Variants in PTPRD observed in about 807,000 individuals in gnomAD.
PTPRD encodes protein tyrosine phosphatase receptor type D.
A neutral mutation model predicts 214.5 loss-of-function variants in PTPRD; 34 were observed. The observed-to-expected ratio is 0.16, with a 90% confidence interval of 0.12 to 0.21. The LOEUF (loss-of-function observed/expected upper bound fraction) is 0.21. Among genes scored for constraint, PTPRD ranks in the 10% least tolerant of loss-of-function variants. The pLI is 1.00. For missense variants in PTPRD, 2,545 were observed against 2,398.7 expected, an observed-to-expected ratio of 1.06 and a Z score of -1.27; for synonymous variants, 1,128 against 845.7, an observed-to-expected ratio of 1.33 and a Z score of -5.79.
chr9:10,521,360 G>A (rs1389824411), intron 2 of PTPRD, among the ~76,000 whole-genome samples: 1 of 152,132 alleles, frequency 6.6e-6, no homozygotes, highest in Non-Finnish European at 1.5e-5. Context: ...GACTGAATTG[G>A]TGAGGAGTTG....
At chr9:9,112,050 T>C (rs1022862696) in intron 10 of PTPRD, among the ~76,000 whole-genome samples, 12 of 152,138 alleles carry the variant, frequency 7.9e-5, no homozygotes, top group Non-Finnish European at 1.2e-4. Context: ...TGCTGTAACC[T>C]CCTCTGCTTT....
chr9:10,062,189 A>G (rs2097787705), intron 3 of PTPRD, among the ~76,000 whole-genome samples: 2 of 152,216 alleles, frequency 1.3e-5, no homozygotes, highest in African/African-American at 4.8e-5. Context: ...ACATATATCT[A>G]GGCATTAAAA....
At chr9:9,236,148 G>A (rs1379990438) in intron 9 of PTPRD, among the ~76,000 whole-genome samples, 4 of 152,116 alleles carry the variant, frequency 2.6e-5, no homozygotes, top group Non-Finnish European at 5.9e-5. Flanking sequence ...AGCTACCCAG[G>A]AGGCTGAGGC....
intron 5 of PTPRD, among the ~76,000 whole-genome samples, chr9:9,787,696 G>C (rs192558131): frequency 6.6e-6 from 1 of 151,962 alleles, no homozygotes. Flanking sequence ...TCAGAGACCT[G>C]AGAAAGATTA....
intron 3 of PTPRD, among the ~76,000 whole-genome samples, chr9:10,297,325 G>T (rs1045519848): frequency 7.3e-5 from 11 of 151,688 alleles, no homozygotes; most frequent in African/African-American, 2.7e-4. Context: ...TAAATTACAA[G>T]AAACTGTACC....
intron 3 of PTPRD, among the ~76,000 whole-genome samples, chr9:10,316,724 G>T (rs947325171): frequency 5.9e-5 from 9 of 151,870 alleles, no homozygotes; most frequent in African/African-American, 2.2e-4. Context: ...AACAGCAACT[G>T]CTATCAGATA....
At chr9:10,312,122 G>A (rs1006435261) in intron 3 of PTPRD, among the ~76,000 whole-genome samples, 2 of 151,924 alleles carry the variant, frequency 1.3e-5, no homozygotes, top group African/African-American at 4.8e-5. Flanking sequence ...AATATAGTCA[G>A]TAGTCAGACA....
intron 4 of PTPRD, among the ~76,000 whole-genome samples, chr9:9,984,482 A>C (rs1158730598): frequency 6.6e-6 from 1 of 152,164 alleles, no homozygotes; most frequent in Non-Finnish European, 1.5e-5. Context: ...TGTAGTCATG[A>C]GGCAAGTAGT....
chr9:9,823,379 G>C (rs2051481893), intron 5 of PTPRD, among the ~76,000 whole-genome samples: 1 of 151,970 alleles, frequency 6.6e-6, no homozygotes, highest in South Asian at 2.1e-4. Flanking sequence ...CAGATCTCGT[G>C]AGAACTTACT....
At chr9:10,160,881 C>T (rs778463475) in intron 3 of PTPRD, among the ~76,000 whole-genome samples, 12 of 151,900 alleles carry the variant, frequency 7.9e-5, no homozygotes, top group Admixed American at 2.0e-4. Context: ...TTGGAAGATA[C>T]GGAATCAACA....
At chr9:10,345,225 TTTACA>T (rs1452035011) in intron 2 of PTPRD, among the ~76,000 whole-genome samples, 2 of 152,176 alleles carry the variant, frequency 1.3e-5, no homozygotes, top group Non-Finnish European at 2.9e-5. Context: ...ACAACCTCAA[TTTACA>T]CATGGAAATA....
At chr9:8,919,370 G>T (rs1402528559) in intron 11 of PTPRD, among the ~76,000 whole-genome samples, 1 of 144,312 alleles carries the variant, frequency 6.9e-6, no homozygotes, top group South Asian at 2.4e-4. Context: ...CCAGCCTGTG[G>T]GACAGAGTGA....
chr9:8,683,112 C>T (rs2097583059), intron 12 of PTPRD, among the ~76,000 whole-genome samples: 1 of 152,088 alleles, frequency 6.6e-6, no homozygotes, highest in African/African-American at 2.4e-5. Context: ...AAAAAAAGAG[C>T]AGCAGGCTTG....
At chr9:9,509,990 A>T (rs62533241) in intron 8 of PTPRD, among the ~76,000 whole-genome samples, 3 of 151,508 alleles carry the variant, frequency 2.0e-5, no homozygotes, top group African/African-American at 4.8e-5. Flanking sequence ...AAGCAAGAAG[A>T]GTGAGAAATC....
intron 11 of PTPRD, among the ~76,000 whole-genome samples, chr9:8,997,143 G>C (rs2099400204): frequency 6.6e-6 from 1 of 151,994 alleles, no homozygotes; most frequent in African/African-American, 2.4e-5. Context: ...ACTGTGACTA[G>C]CAAATATTTT....
intron 8 of PTPRD, among the ~76,000 whole-genome samples, chr9:9,493,779 C>A: frequency 8.6e-6 from 1 of 116,078 alleles, no homozygotes; most frequent in Non-Finnish European, 1.7e-5. Context: ...CAGAGCAAGA[C>A]TCCGTCTCAA....
chr9:9,371,138 A>C (rs1461971580), intron 9 of PTPRD, among the ~76,000 whole-genome samples: 2 of 152,148 alleles, frequency 1.3e-5, no homozygotes, highest in African/African-American at 4.8e-5. Context: ...AAAATGAGTT[A>C]GGGAGGATTC....
chr9:9,582,855 T>G (rs866413861), intron 7 of PTPRD, among the ~76,000 whole-genome samples: 1 of 152,028 alleles, frequency 6.6e-6, no homozygotes, highest in African/African-American at 2.4e-5. Context: ...TGTCTTCCAT[T>G]GTCTAAAACC....
At chr9:9,683,272 G>T (rs939202970) in intron 7 of PTPRD, among the ~76,000 whole-genome samples, 6 of 151,708 alleles carry the variant, frequency 4.0e-5, no homozygotes, top group African/African-American at 1.2e-4. Flanking sequence ...TTAAAGGAGG[G>T]TGTGGGAATA....
Sources: gnomAD v4.1 joint callset for allele counts (sites outside exome capture counted in the v4.1 genomes callset) on GRCh38, gnomAD v4.1.1 for gene constraint, MANE v1.5 for transcripts, NCBI Gene and HGNC (gene_info 2026-07-23, HGNC 2026-07-21) for gene names.